MSRA: variants seen among roughly 807,000 people sequenced by gnomAD.
MSRA encodes the protein mitochondrial peptide methionine sulfoxide reductase.
MSRA carries 54 observed loss-of-function variants against 31.3 expected under a neutral mutation model. That is an observed-to-expected ratio of 1.73 (90% CI 1.39 to 2.17). The LOEUF (loss-of-function observed/expected upper bound fraction) is 2.17, where lower values mean the gene tolerates loss of function less well. Ranked by LOEUF, MSRA falls within the 30% of genes most tolerant of loss-of-function variation. MSRA has a pLI of 0.00. For synonymous variants in MSRA, 169 were observed against 116.5 expected (o/e 1.45, Z -2.90); for missense variants, 507 against 300.9 (o/e 1.69, Z -5.07).
chr8:10,402,081 A>T (rs1807501041), intron 5 of MSRA, among the ~76,000 whole-genome samples: 1 of 152,200 alleles, frequency 6.6e-6, no homozygotes, highest in South Asian at 2.1e-4. Context: ...AATAGAAAAA[A>T]ATGTAAAGGA....
intron 5 of MSRA, among the ~76,000 whole-genome samples, chr8:10,416,578 A>G (rs1808473081): frequency 6.6e-6 from 1 of 152,148 alleles, no homozygotes; most frequent in Non-Finnish European, 1.5e-5. Flanking sequence ...CTGCCTGGAG[A>G]CCACCCATGT....
At chr8:10,146,995 G>C (rs375914529) in intron 1 of MSRA, among the ~76,000 whole-genome samples, 1 of 152,222 alleles carries the variant, frequency 6.6e-6, no homozygotes, top group Non-Finnish European at 1.5e-5. Flanking sequence ...AAGCTGGGAC[G>C]CCAGCTGGGG....
chr8:10,115,787 C>A (rs999211284), intron 1 of MSRA, among the ~76,000 whole-genome samples: 3 of 152,160 alleles, frequency 2.0e-5, no homozygotes, highest in African/African-American at 7.2e-5. Flanking sequence ...ACTGCTGTAT[C>A]CCCAGCATTA....
At chr8:10,320,845 G>A (rs1162854282) in intron 5 of MSRA, among the ~76,000 whole-genome samples, 1 of 152,126 alleles carries the variant, frequency 6.6e-6, no homozygotes, top group Non-Finnish European at 1.5e-5. Context: ...AGTTTTATGT[G>A]CGTGTGTTTC....
chr8:10,333,000 C>T (rs1802794536), intron 5 of MSRA, among the ~76,000 whole-genome samples: 4 of 152,204 alleles, frequency 2.6e-5, no homozygotes, highest in Admixed American at 2.6e-4. Context: ...CACTGAGTTC[C>T]ATCCAAGTAC....
chr8:10,301,056 C>G (rs1488433330), intron 3 of MSRA, among the ~76,000 whole-genome samples: 1 of 152,210 alleles, frequency 6.6e-6, no homozygotes, highest in Non-Finnish European at 1.5e-5. Flanking sequence ...TCACTGATCT[C>G]ATGTGAACGA....
intron 2 of MSRA, among the ~76,000 whole-genome samples, chr8:10,217,346 C>T (rs1288675367): frequency 6.6e-6 from 1 of 152,168 alleles, no homozygotes; most frequent in Non-Finnish European, 1.5e-5. Context: ...TGACCCTCTC[C>T]CCACAAGGGA....
intron 3 of MSRA, among the ~76,000 whole-genome samples, chr8:10,281,162 C>G (rs994991423): frequency 1.3e-5 from 2 of 152,160 alleles, no homozygotes; most frequent in Admixed American, 1.3e-4. Flanking sequence ...ATGTGAATTT[C>G]ATCTCAGTAA....
At chr8:10,248,966 G>A (rs1370522659) in intron 3 of MSRA, among the ~76,000 whole-genome samples, 1 of 152,210 alleles carries the variant, frequency 6.6e-6, no homozygotes, top group African/African-American at 2.4e-5. Flanking sequence ...GTGTCTGTAG[G>A]ATTTCAGAGT....
chr8:10,190,164 C>A (rs1018983134), intron 1 of MSRA, among the ~76,000 whole-genome samples: 1 of 152,132 alleles, frequency 6.6e-6, no homozygotes, highest in African/African-American at 2.4e-5. Context: ...GGAGGGGGGT[C>A]ATTGCTGGAG....
At chr8:10,292,849 C>G (rs887035295) in intron 3 of MSRA, among the ~76,000 whole-genome samples, 1 of 151,682 alleles carries the variant, frequency 6.6e-6, no homozygotes, top group Non-Finnish European at 1.5e-5. Context: ...CAGCAGGAGC[C>G]GGTGGTGGGT....
chr8:10,135,805 G>T (rs1802229344), intron 1 of MSRA, among the ~76,000 whole-genome samples: 4 of 152,340 alleles, frequency 2.6e-5, no homozygotes, highest in African/African-American at 9.6e-5. Context: ...CGCAGTTCTG[G>T]AATTTTGTTG....
At position 10,241,813 on chromosome 8, in the gene MSRA, A is replaced by G. The variant is rs1233403091; in HGVS notation, c.212-3291A>G. ...GATGAAGCCTCTGGATCCAATTGTC[A>G]ACTTGCAGAAAGTTGTCCTCTGAGG... On this transcript the variant is annotated intron_variant, in intron 2 of 5. Coordinates refer to ENST00000317173, the MANE Select transcript of MSRA (RefSeq NM_012331.5). 2.6e-5 allele frequency among the ~76,000 whole-genome samples: 4 copies of G among 152,194 alleles called. No individual in the cohort carries two copies. The East Asian group carries it at 7.7e-4, about 29-fold the overall frequency.
chr8:10,328,243 TCCCTCCC>T (rs1031570590), intron 5 of MSRA, among the ~76,000 whole-genome samples: 5 of 42,918 alleles, frequency 1.2e-4, no homozygotes, highest in African/African-American at 4.6e-4. Context: ...TCCTCCCTCC[TCCCTCCC>T]CCCTCCCCAC....
intron 3 of MSRA, among the ~76,000 whole-genome samples, chr8:10,293,705 C>T (rs996198682): frequency 6.6e-6 from 1 of 152,116 alleles, no homozygotes; most frequent in South Asian, 2.1e-4. Context: ...TTCCTGTTTC[C>T]TTCCTCCCCT....
intron 5 of MSRA, among the ~76,000 whole-genome samples, chr8:10,333,180 C>T (rs1802806072): frequency 6.6e-6 from 1 of 152,198 alleles, no homozygotes; most frequent in Admixed American, 6.5e-5. Flanking sequence ...ATTCACATTT[C>T]TCCACGGGCC....
chr8:10,328,903 C>T (rs1234251998), intron 5 of MSRA, among the ~76,000 whole-genome samples: 3 of 152,196 alleles, frequency 2.0e-5, no homozygotes, highest in Admixed American at 2.0e-4. Context: ...CATGGACTCA[C>T]TGTTGCCACA....
chr8:10,085,595 T>A (rs1216943291), intron 1 of MSRA, among the ~76,000 whole-genome samples: 3 of 152,232 alleles, frequency 2.0e-5, no homozygotes, highest in African/African-American at 7.2e-5. Context: ...TGTGTCCATA[T>A]TGAGGTATCA....
At chr8:10,415,656 C>T (rs920466492) in intron 5 of MSRA, among the ~76,000 whole-genome samples, 1 of 152,100 alleles carries the variant, frequency 6.6e-6, no homozygotes, top group African/African-American at 2.4e-5. Context: ...CTCACCCTGG[C>T]CTAGCCCACC....
Sources: allele counts gnomAD v4.1 joint callset (sites outside exome capture counted in the v4.1 genomes callset), GRCh38; gene constraint gnomAD v4.1.1; transcripts MANE v1.5; gene names NCBI Gene and HGNC (gene_info 2026-07-23, HGNC 2026-07-21).